Variants in LTBP1 observed in about 807,000 individuals in gnomAD.
The protein encoded by LTBP1 is latent-transforming growth factor beta-binding protein 1.
Under a neutral mutation model 207.6 loss-of-function variants are expected in LTBP1, and 129 were observed. That is an observed-to-expected ratio of 0.62 (90% CI 0.54 to 0.72). The LOEUF (loss-of-function observed/expected upper bound fraction) is 0.72. Ranked by LOEUF, LTBP1 falls within the 30% of genes least tolerant of loss-of-function variation. The probability of loss-of-function intolerance (pLI) is 0.00; values close to 1 mark genes in which losing one functional copy is unlikely to be tolerated. For missense variants in LTBP1, 2,281 were observed against 2,217.2 expected (o/e 1.03, Z -0.58); for synonymous variants, 963 against 833.7 (o/e 1.16, Z -2.67).
chr2:33,394,539 T>C (rs1334622428), intron 32 of LTBP1, among the ~76,000 whole-genome samples: 2 of 152,158 alleles, frequency 1.3e-5, no homozygotes, highest in East Asian at 3.8e-4. Context: ...CCCAGCACCA[T>C]AGCACCATTT....
chr2:33,012,292 A>C (rs1687778547), intron 2 of LTBP1, among the ~76,000 whole-genome samples: 1 of 152,060 alleles, frequency 6.6e-6, no homozygotes, highest in Non-Finnish European at 1.5e-5. Context: ...GGGGCTTCAC[A>C]CTCAAATCTC....
intron 3 of LTBP1, among the ~76,000 whole-genome samples, chr2:33,057,285 C>CA (rs1300392435): frequency 2.0e-5 from 3 of 152,150 alleles, no homozygotes; most frequent in Non-Finnish European, 4.4e-5. Flanking sequence ...ACAGAGTGCT[C>CA]ATTGGTGTAT....
chr2:33,356,744 A>T (rs2094866916), intron 26 of LTBP1, among the ~76,000 whole-genome samples: 1 of 152,264 alleles, frequency 6.6e-6, no homozygotes, highest in Admixed American at 6.5e-5. Flanking sequence ...TTTCCTTGAC[A>T]TCTCCTTGAA....
intron 2 of LTBP1, among the ~76,000 whole-genome samples, chr2:32,959,239 G>T (rs555743238): frequency 2.0e-5 from 3 of 152,058 alleles, no homozygotes; most frequent in Non-Finnish European, 4.4e-5. Context: ...GTTGCTATCC[G>T]AAGTTGATGT....
intron 20 of LTBP1, among the ~76,000 whole-genome samples, chr2:33,298,046 T>A (rs895251027): frequency 2.0e-5 from 3 of 152,248 alleles, no homozygotes; most frequent in Non-Finnish European, 4.4e-5. Context: ...CCTCACATAA[T>A]GTCAGGTGTA....
Position 32,947,554 on chromosome 2 carries a change from C to G in LTBP1, c.230C>G (p.Pro77Arg). The G allele has an allele frequency of 1.5e-6, 2 of 1,366,950 alleles. No individual in the cohort carries two copies. Among genetic ancestry groups the G allele is most frequent in the African/African-American group, 1.5e-5 (1 of 65,388 alleles). The allele number at this position is 1,366,950 out of a possible 1,614,324, so 84.7% of individuals were successfully genotyped here. A position where few individuals can be genotyped will look rare whatever the true frequency, so the allele number is the denominator to read the frequency against. Residue 77 changes from proline to arginine, a missense_variant, in exon 1 of 34, where the codon CCC (proline) becomes CGC (arginine). Physicochemically the swap from Pro to Arg is moderately radical, Grantham distance 103. Around this residue, in one of 3 missense-constraint regions of LTBP1, gnomAD observed 555 missense variants for 491.0 expected, o/e 1.13. Transcript: ENST00000404816. ...GCCGGCGCCCCCAGCCGTGCCTCCC[C>G]CGGGGTCCCCTCGGAGAGGACCCGG... is the stretch of plus-strand genomic sequence containing the variant. ...AAAGAPSRAS[P>R]GVPSERTRRT...
intron 3 of LTBP1, among the ~76,000 whole-genome samples, chr2:33,062,122 T>C (rs1323736600): frequency 1.3e-5 from 2 of 152,226 alleles, no homozygotes; most frequent in Non-Finnish European, 2.9e-5. Flanking sequence ...GTGAAATGTC[T>C]ATTGAATATA....
At chr2:33,172,720 A>C (rs2085588839) in intron 5 of LTBP1, among the ~76,000 whole-genome samples, 1 of 152,178 alleles carries the variant, frequency 6.6e-6, no homozygotes, top group South Asian at 2.1e-4. Context: ...AGCACTGCAC[A>C]ACACCTATTC....
chr2:33,328,135 C>CAATAAATAAATAAATAAATAAATA (rs535099037), intron 24 of LTBP1, among the ~76,000 whole-genome samples: 6,798 of 134,006 alleles, frequency 0.051, 220 homozygotes, highest in Admixed American at 0.067. Context: ...GACTCTGTCT[C>CAATAAATAAATAAATAAATAAATA]AATAAATAAA....
chr2:33,014,073 A>G (rs1430482494), intron 2 of LTBP1, among the ~76,000 whole-genome samples: 1 of 152,190 alleles, frequency 6.6e-6, no homozygotes, highest in East Asian at 1.9e-4. Context: ...GAAGAGAGAG[A>G]ACAATGAAAG....
At chr2:33,292,569 A>G (rs535557165) in intron 19 of LTBP1, among the ~76,000 whole-genome samples, 1 of 152,300 alleles carries the variant, frequency 6.6e-6, no homozygotes, top group Non-Finnish European at 1.5e-5. Context: ...ATTAGGTGCT[A>G]TTATTATTAT....
At chr2:33,151,823 TTGTGTGTGTGTGTGTG>T (rs10526529) in intron 5 of LTBP1, among the ~76,000 whole-genome samples, 6,749 of 129,404 alleles carry the variant, frequency 0.052, 198 homozygotes, top group Middle Eastern at 0.11. Context: ...GTATTCCATT[TTGTGTGTGTGTGTGTG>T]TGTGTGTGTG....
chr2:33,070,577 C>T (rs1046645437), intron 3 of LTBP1, among the ~76,000 whole-genome samples: 1 of 152,238 alleles, frequency 6.6e-6, no homozygotes, highest in African/African-American at 2.4e-5. Flanking sequence ...GACTTGCCAG[C>T]CCACATTGGA....
In LTBP1 at chr2:33,315,247, T is replaced by C; in HGVS notation, c.3708T>C (p.Ser1236=). 1.9e-6 allele frequency: 3 copies of C among 1,613,188 alleles called. No homozygotes were observed. The highest frequency in any genetic ancestry group is 1.7e-4 in the Middle Eastern group (1 of 6,058). Residue 1236 remains serine, a synonymous_variant, in exon 24 of 34, where the codon TCT becomes TCC. Transcript: ENST00000404816. ...TCTGCCAGCAGGGTTTCTCAATCTC[T>C]GCAGATGGCCGTACGTGTGAAGGTA... ...HCVCQQGFSI[S]ADGRTCEDID...
intron 19 of LTBP1, among the ~76,000 whole-genome samples, chr2:33,290,841 A>G (rs1024180040): frequency 6.6e-6 from 1 of 152,202 alleles, no homozygotes; most frequent in African/African-American, 2.4e-5. Flanking sequence ...CATCAAGGAG[A>G]TGTCCAGTAG....
chr2:33,242,666 A>C (rs2092372357), intron 9 of LTBP1, among the ~76,000 whole-genome samples: 1 of 144,426 alleles, frequency 6.9e-6, no homozygotes, highest in Non-Finnish European at 1.5e-5. Flanking sequence ...GTCAAGCACC[A>C]TGCATTTTCA....
intron 2 of LTBP1, among the ~76,000 whole-genome samples, chr2:32,995,745 C>T (rs777828199): frequency 4.8e-4 from 73 of 152,154 alleles, no homozygotes; most frequent in South Asian, 1.0e-3. Context: ...GCCAAGATTG[C>T]GCCACTGCAC....
At position 33,149,228 on chromosome 2, in the gene LTBP1, CAAA is replaced by C. The variant is rs58303103; in HGVS notation, c.1201+14293_1201+14295del. Among the ~76,000 whole-genome samples the C allele has an allele frequency of 1.9e-4, 16 of 82,818 alleles. No individual in the cohort carries two copies. The East Asian group carries it at 4.2e-3, about 22-fold the overall frequency. The allele number at this position is 82,818 out of a possible 152,430, so 54.3% of individuals were successfully genotyped here. A position where few individuals can be genotyped will look rare whatever the true frequency, so the allele number is the denominator to read the frequency against. On this transcript the variant is annotated intron_variant, in intron 5 of 33. Transcript: ENST00000404816. ...AGACTCCGTCTCACTCACAAAAAAA[CAAA>C]AAAAAAAAAAAAAAAAAAAAAAAAG...
intron 26 of LTBP1, among the ~76,000 whole-genome samples, chr2:33,356,211 C>T (rs184334468): frequency 6.6e-6 from 1 of 152,226 alleles, no homozygotes; most frequent in East Asian, 1.9e-4. Context: ...TGTAAGAAAA[C>T]AGGAGCAAGG....
Sources: gnomAD v4.1 joint callset for allele counts (sites outside exome capture counted in the v4.1 genomes callset) on GRCh38, gnomAD v4.1.1 for gene constraint, gnomAD v4.1.1 regional missense constraint, MANE v1.5 for transcripts, NCBI Gene and HGNC (gene_info 2026-07-23, HGNC 2026-07-21) for gene names.